Variants in SMARCA2 observed in about 807,000 individuals in gnomAD.
The protein encoded by SMARCA2 is SWI/SNF related BAF chromatin remodeling complex subunit ATPase 2.
A neutral mutation model predicts 199.8 loss-of-function variants in SMARCA2; 61 were observed. The observed-to-expected ratio is 0.31, with a 90% CI of 0.25 to 0.38. The LOEUF (loss-of-function observed/expected upper bound fraction) is 0.38, where lower values mean the gene tolerates loss of function less well. SMARCA2 is among the 10% of genes least tolerant of loss of function. The pLI, the probability that SMARCA2 is intolerant of heterozygous loss-of-function variation, is 1.00. For missense variants in SMARCA2, 1,344 were observed against 2,012.2 expected (o/e 0.67, Z 6.35); for synonymous variants, 935 against 732.0 (o/e 1.28, Z -4.48).
chr9:2,040,150 G>A lies in SMARCA2; in HGVS notation c.790+250G>A, dbSNP rs1819542224. 4.1e-6 allele frequency: 3 copies of A among 739,028 alleles called. No individual in the cohort carries two copies. The East Asian group carries it at 8.1e-5, about 20-fold the overall frequency. The allele number at this position is 739,028 out of a possible 1,614,324, so 45.8% of individuals were successfully genotyped here. ...CTGGAGACCCAGGGAAAAAGCACCT[G>A]TGATTTTGCGTTCTCTTTGAAGCGG... On this transcript the variant is annotated intron_variant, in intron 4 of 33. Transcript: ENST00000349721.
At chr9:2,155,314 G>C (rs1825294346) in intron 27 of SMARCA2, among the ~76,000 whole-genome samples, 3 of 151,236 alleles carry the variant, frequency 2.0e-5, no homozygotes, top group Admixed American at 1.3e-4. Context: ...ACTGAGTCTT[G>C]CTCTGTTGCC....
chr9:2,147,260 A>G (rs912290903), intron 27 of SMARCA2, among the ~76,000 whole-genome samples: 1 of 132,822 alleles, frequency 7.5e-6, no homozygotes, highest in African/African-American at 2.7e-5. Context: ...AAAAAAAAAA[A>G]GCAAGGTACT....
At chr9:2,065,743 T>C (rs78766683) in intron 9 of SMARCA2, among the ~76,000 whole-genome samples, 7,087 of 152,244 alleles carry the variant, frequency 0.047, 436 homozygotes, top group African/African-American at 0.14. Flanking sequence ...TTATATACTT[T>C]ATTACAGCTT....
chr9:2,170,562 G>A lies in SMARCA2; in HGVS notation c.4253+90G>A. ...TGAATCATATAATCGGCCTTTGGAA[G>A]CAAATTTCTTCGGTCACCTCCTGAT... On this transcript the variant is annotated intron_variant, in intron 29 of 33. Coordinates refer to ENST00000349721, the MANE Select transcript of SMARCA2 (RefSeq NM_003070.5). The surrounding 1 kb of genome is among the most constrained non-coding windows in gnomAD (Gnocchi z 4.7). 1.9e-6 allele frequency: 3 copies of A among 1,602,704 alleles called. No homozygotes were observed.
intron 21 of SMARCA2, 94 bp from the exon 22 acceptor site, chr9:2,101,476 A>T: frequency 3.2e-6 from 2 of 631,908 alleles, no homozygotes; most frequent in South Asian, 5.1e-5. Flanking sequence ...TGTTTTAACT[A>T]TAGAAATAGG....
In SMARCA2 at chr9:2,060,800, C is replaced by T. The variant is rs199686474; in HGVS notation, c.1522-16C>T. 8.5e-5 allele frequency: 137 copies of T among 1,612,460 alleles called. No homozygotes were observed. The highest frequency in any genetic ancestry group is 1.1e-4 in the Non-Finnish European group (132 of 1,179,072). On this transcript the variant is annotated splice_polypyrimidine_tract_variant and intron_variant, in intron 8 of 33. Coordinates refer to ENST00000349721, the MANE Select transcript of SMARCA2 (RefSeq NM_003070.5). The stretch of plus-strand genomic sequence containing the variant: ...GCTTATATTATGCTCTCATCCTGCT[C>T]TTCTTTCCTTAATAGGCTGAAGATG...
intron 31 of SMARCA2, among the ~76,000 whole-genome samples, chr9:2,183,786 A>C (rs1205303609): frequency 1.3e-5 from 2 of 152,242 alleles, no homozygotes; most frequent in African/African-American, 4.8e-5. Context: ...GCTTGAAGCC[A>C]GGACATAGAA....
intron 1 of SMARCA2, among the ~76,000 whole-genome samples, chr9:2,019,392 C>A (rs73377052): frequency 1.4e-3 from 220 of 151,786 alleles, no homozygotes; most frequent in African/African-American, 4.6e-3. Context: ...ATGTTCAAAG[C>A]AGCCTTAGAT....
chr9:2,141,505 T>G (rs932396224), intron 27 of SMARCA2, among the ~76,000 whole-genome samples: 1 of 152,206 alleles, frequency 6.6e-6, no homozygotes, highest in Non-Finnish European at 1.5e-5. Context: ...CTATAAATTT[T>G]ATTTAATAGC....
intron 27 of SMARCA2, among the ~76,000 whole-genome samples, chr9:2,133,382 A>G (rs1429462669): frequency 6.6e-6 from 1 of 152,124 alleles, no homozygotes; most frequent in African/African-American, 2.4e-5. Flanking sequence ...CCTCGGCTCA[A>G]GCAGTCTTCC....
intron 19 of SMARCA2, among the ~76,000 whole-genome samples, chr9:2,091,901 A>T (rs1034986968): frequency 5.9e-5 from 9 of 152,218 alleles, no homozygotes; most frequent in Non-Finnish European, 4.4e-5. Flanking sequence ...TAAAGCAGGT[A>T]TATAAAGGCC....
chr9:2,192,039 A>G (rs567334138), intron 33 of SMARCA2: 6 of 154,778 alleles, frequency 3.9e-5, no homozygotes, highest in South Asian at 2.0e-4. Context: ...GTGTTTTGCT[A>G]CAGATCACGT....
chr9:2,091,018 C>G (rs1445102245), intron 19 of SMARCA2, among the ~76,000 whole-genome samples: 1 of 152,112 alleles, frequency 6.6e-6, no homozygotes, highest in African/African-American at 2.4e-5. Flanking sequence ...GAGGAAAAGG[C>G]TAAATACTTT....
chr9:2,067,750 C>A (rs1462247694), intron 9 of SMARCA2, among the ~76,000 whole-genome samples: 3 of 152,126 alleles, frequency 2.0e-5, no homozygotes, highest in Non-Finnish European at 4.4e-5. Flanking sequence ...TGTCTTAAAT[C>A]TAATATTACT....
intron 19 of SMARCA2, among the ~76,000 whole-genome samples, chr9:2,096,351 G>T (rs1822273014): frequency 6.6e-6 from 1 of 152,124 alleles, no homozygotes. Flanking sequence ...GAACATTTTT[G>T]AATTTAAACA....
chr9:2,191,666 TA>T (rs1195530618), intron 33 of SMARCA2: 1 of 338,722 alleles, frequency 3.0e-6, no homozygotes, highest in Non-Finnish European at 5.4e-6. Context: ...TCCCCCTTTT[TA>T]ATCTTCCCAC....
intron 12 of SMARCA2, among the ~76,000 whole-genome samples, 157 bp from the exon 13 acceptor site, chr9:2,076,072 T>G (rs759196991): frequency 6.6e-6 from 1 of 152,250 alleles, no homozygotes; most frequent in Non-Finnish European, 1.5e-5. Context: ...GGGTATTACC[T>G]TACTTAAGTA....
chr9:2,190,163 A>G (rs957161804), intron 32 of SMARCA2, among the ~76,000 whole-genome samples: 1 of 152,186 alleles, frequency 6.6e-6, no homozygotes, highest in African/African-American at 2.4e-5. Context: ...AACTCTTCCA[A>G]GTGTTTCCAT....
At chr9:2,183,892 T>G (rs10757248) in intron 31 of SMARCA2, among the ~76,000 whole-genome samples, 28,682 of 152,156 alleles carry the variant, frequency 0.19, 3,002 homozygotes, top group African/African-American at 0.28. Flanking sequence ...TATGGCATTA[T>G]TATGATATAC....
Sources: gnomAD v4.1 joint callset for allele counts (sites outside exome capture counted in the v4.1 genomes callset) on GRCh38, gnomAD v4.1.1 for gene constraint, Gnocchi (gnomAD v3.1) non-coding constraint, MANE v1.5 for transcripts, NCBI Gene and HGNC (gene_info 2026-07-23, HGNC 2026-07-21) for gene names.